The following TAFA1 variants were observed in gnomAD, a reference collection of about 807,000 sequenced individuals.
TAFA1 encodes the protein chemokine-like protein TAFA-1.
In TAFA1, 4 loss-of-function variants were observed where a neutral mutation model predicts 18.5. That is an observed-to-expected ratio of 0.22 (90% CI 0.11 to 0.49). TAFA1 has a LOEUF of 0.49. TAFA1 is among the 20% of genes least tolerant of loss of function. The probability of loss-of-function intolerance (pLI) is 0.98; values close to 1 mark genes in which losing one functional copy is unlikely to be tolerated. For synonymous variants in TAFA1, 56 were observed against 55.2 expected, an observed-to-expected ratio of 1.01 and a Z score of -0.06; for missense variants, 147 against 169.0, an observed-to-expected ratio of 0.87 and a Z score of 0.72.
intron 2 of TAFA1, among the ~76,000 whole-genome samples, chr3:68,159,977 A>C (rs376754846): frequency 1.0e-3 from 154 of 152,312 alleles, no homozygotes; most frequent in African/African-American, 3.3e-3. Flanking sequence ...TTTTCTTTAT[A>C]CCAGACCTGG....
At chr3:68,387,767 G>A (rs1390750630) in intron 2 of TAFA1, among the ~76,000 whole-genome samples, 1 of 151,974 alleles carries the variant, frequency 6.6e-6, no homozygotes, top group Non-Finnish European at 1.5e-5. Flanking sequence ...GCTCTAACAG[G>A]GATACAAAAA....
In TAFA1 at chr3:68,024,805, G is replaced by GCACACACACA. The variant is rs3037727; in HGVS notation, c.118+18080_118+18089dup. ...GGACTCTCTAGACCATCTCCTTAAT[G>GCACACACACA]CACACACACACACACACACACACAC... On this transcript the variant is annotated intron_variant, in intron 2 of 4. Coordinates refer to ENST00000478136, the MANE Select transcript of TAFA1 (RefSeq NM_213609.4). Among the ~76,000 whole-genome samples, 241 of 73,646 alleles carry GCACACACACA rather than the reference G, an allele frequency of 3.3e-3. 1 individual carries two copies. Among genetic ancestry groups the GCACACACACA allele is most frequent in the East Asian group, 0.022 (49 of 2,246 alleles). 48.3% of individuals were successfully genotyped at this position (73,646 alleles called of 152,430 possible).
At chr3:68,345,499 G>A (rs900980020) in intron 2 of TAFA1, among the ~76,000 whole-genome samples, 4 of 152,138 alleles carry the variant, frequency 2.6e-5, no homozygotes, top group African/African-American at 9.7e-5. Context: ...TAGAAAAGGG[G>A]ATTAACAGCA....
chr3:68,345,781 G>A (rs1207514672), intron 2 of TAFA1, among the ~76,000 whole-genome samples: 1 of 152,216 alleles, frequency 6.6e-6, no homozygotes, highest in African/African-American at 2.4e-5. Flanking sequence ...TGGAAAACCA[G>A]AGGTATCCCA....
upstream of TAFA1, among the ~76,000 whole-genome samples, chr3:68,002,296 G>T (rs1000900581): frequency 6.6e-6 from 1 of 152,166 alleles, no homozygotes; most frequent in East Asian, 1.9e-4. Context: ...TAGTTAAGGC[G>T]AGTCTTTATT....
chr3:68,414,949 G>A (rs1029840825), intron 2 of TAFA1, among the ~76,000 whole-genome samples: 43 of 152,228 alleles, frequency 2.8e-4, no homozygotes, highest in African/African-American at 8.9e-4. Flanking sequence ...GTGAAGTGTC[G>A]AACTAGCTGT....
chr3:68,229,146 A>G (rs946176971), intron 2 of TAFA1, among the ~76,000 whole-genome samples: 1 of 152,214 alleles, frequency 6.6e-6, no homozygotes, highest in African/African-American at 2.4e-5. Flanking sequence ...GATAGGCACA[A>G]TAGTCTTAGC....
chr3:68,061,845 T>C (rs2064605733), intron 2 of TAFA1, among the ~76,000 whole-genome samples: 1 of 152,104 alleles, frequency 6.6e-6, no homozygotes, highest in African/African-American at 2.4e-5. Context: ...GAGGGGGAGG[T>C]TGAACCACTG....
intron 2 of TAFA1, among the ~76,000 whole-genome samples, chr3:68,320,834 G>T (rs1351032324): frequency 6.6e-6 from 1 of 152,194 alleles, no homozygotes; most frequent in African/African-American, 2.4e-5. Flanking sequence ...CCCAGAGGGA[G>T]CCAAAGCAGT....
At chr3:68,443,277 T>C (rs2071417397) in intron 3 of TAFA1, among the ~76,000 whole-genome samples, 1 of 151,946 alleles carries the variant, frequency 6.6e-6, no homozygotes, top group South Asian at 2.1e-4. Context: ...CAGCTACCTT[T>C]TTCCCTCACT....
At chr3:68,033,504 A>G (rs1180570703) in intron 2 of TAFA1, among the ~76,000 whole-genome samples, 2 of 152,224 alleles carry the variant, frequency 1.3e-5, no homozygotes, top group Non-Finnish European at 2.9e-5. Context: ...GCATTATGCT[A>G]GACATTTATC....
At chr3:68,420,960 A>G (rs535500987) in intron 3 of TAFA1, among the ~76,000 whole-genome samples, 5 of 152,252 alleles carry the variant, frequency 3.3e-5, no homozygotes, top group South Asian at 4.2e-4. Flanking sequence ...AAACAAAACC[A>G]TGATGGTTTC....
intron 2 of TAFA1, among the ~76,000 whole-genome samples, chr3:68,111,309 G>T (rs1451366032): frequency 6.6e-6 from 1 of 152,072 alleles, no homozygotes; most frequent in African/African-American, 2.4e-5. Flanking sequence ...CCAAAAGAAA[G>T]AAAGCTGCCA....
chr3:68,210,018 T>C (rs1039304243), intron 2 of TAFA1, among the ~76,000 whole-genome samples: 3 of 151,994 alleles, frequency 2.0e-5, no homozygotes, highest in Non-Finnish European at 4.4e-5. Flanking sequence ...ACAATTTTTT[T>C]CCCCTTTTTC....
chr3:68,132,863 A>AG (rs139172403), intron 2 of TAFA1, among the ~76,000 whole-genome samples: 97,439 of 151,984 alleles, frequency 0.64, 32,094 homozygotes, highest in South Asian at 0.77. Context: ...TTTGCTGTGC[A>AG]AAGCTCTTTA....
chr3:68,276,246 A>G (rs905185699), intron 2 of TAFA1, among the ~76,000 whole-genome samples: 2 of 152,184 alleles, frequency 1.3e-5, no homozygotes, highest in African/African-American at 4.8e-5. Context: ...AATTATCTAA[A>G]GCAACGCTTC....
intron 3 of TAFA1, among the ~76,000 whole-genome samples, chr3:68,420,510 A>G (rs1359840415): frequency 6.6e-6 from 1 of 152,132 alleles, no homozygotes; most frequent in Non-Finnish European, 1.5e-5. Context: ...ATGAGCCACC[A>G]CACCTGGCCA....
At chr3:68,493,871 G>A (rs1476345608) in intron 3 of TAFA1, among the ~76,000 whole-genome samples, 4 of 152,140 alleles carry the variant, frequency 2.6e-5, no homozygotes, top group Admixed American at 1.3e-4. Flanking sequence ...ACAGCATCTG[G>A]AATTTGTATT....
chr3:68,307,064 C>G (rs2068435829), intron 2 of TAFA1, among the ~76,000 whole-genome samples: 1 of 152,092 alleles, frequency 6.6e-6, no homozygotes, highest in Non-Finnish European at 1.5e-5. Context: ...GTTTTTTCAT[C>G]AATAAGGTGT....
Sources: gnomAD v4.1 joint callset for allele counts (sites outside exome capture counted in the v4.1 genomes callset) on GRCh38, gnomAD v4.1.1 for gene constraint, MANE v1.5 for transcripts, NCBI Gene and HGNC (gene_info 2026-07-23, HGNC 2026-07-21) for gene names.